The following IFT122 variants were observed in gnomAD, a reference collection of about 807,000 sequenced individuals.
IFT122 encodes the protein intraflagellar transport 122.
IFT122 carries 118 observed loss-of-function variants against 161.6 expected under a neutral mutation model. The ratio of observed to expected loss-of-function variants is 0.73; its 90% CI spans 0.63 to 0.85. The LOEUF is 0.85. Among genes scored for constraint, IFT122 ranks in the 40% least tolerant of loss-of-function variants. The pLI is 0.00. For synonymous variants in IFT122, 550 were observed against 602.4 expected (o/e 0.91, Z 1.27); for missense variants, 1,381 against 1,579.6 (o/e 0.87, Z 2.13).
chr3:129,519,265 C>A, intron 28 of IFT122, 79 bp downstream of exon 28: 1 of 1,305,348 alleles, frequency 7.7e-7, no homozygotes, highest in Non-Finnish European at 1.1e-6. Flanking sequence ...CCTCAGCTAG[C>A]GCAGTGGTGG....
At chr3:129,452,777 G>C (rs1476946448) in intron 3 of IFT122, among the ~76,000 whole-genome samples, 1 of 152,190 alleles carries the variant, frequency 6.6e-6, no homozygotes, top group Non-Finnish European at 1.5e-5. Context: ...CCCTCTAGTT[G>C]CTGAGTTGGA....
At chr3:129,497,174 G>A (rs2080959748) in intron 18 of IFT122, among the ~76,000 whole-genome samples, 1 of 152,152 alleles carries the variant, frequency 6.6e-6, no homozygotes, top group East Asian at 1.9e-4. Flanking sequence ...AGGCTAAGGT[G>A]GAAAGATTGC....
intron 18 of IFT122, among the ~76,000 whole-genome samples, chr3:129,499,486 A>G (rs2081277382): frequency 6.6e-6 from 1 of 152,256 alleles, no homozygotes; most frequent in Non-Finnish European, 1.5e-5. Context: ...ATTGTGCACC[A>G]GGTTGTCTCA....
At chr3:129,482,216 G>A (rs1050431445) in intron 14 of IFT122, among the ~76,000 whole-genome samples, 25 of 152,226 alleles carry the variant, frequency 1.6e-4, no homozygotes, top group African/African-American at 5.8e-4. Flanking sequence ...AGCAGAATGC[G>A]AAGTGCTTGG....
intron 20 of IFT122, among the ~76,000 whole-genome samples, chr3:129,503,461 G>A (rs2081844297): frequency 6.6e-6 from 1 of 152,130 alleles, no homozygotes; most frequent in South Asian, 2.1e-4. Flanking sequence ...AGAAGCAGCT[G>A]ATGCTGCCCC....
intron 1 of IFT122, among the ~76,000 whole-genome samples, chr3:129,447,345 C>G (rs2074136420): frequency 6.6e-6 from 1 of 152,014 alleles, no homozygotes; most frequent in Non-Finnish European, 1.5e-5. Flanking sequence ...GGCTTCCAGG[C>G]TATAGGTAAA....
At chr3:129,500,989 C>T (rs1385690400) in intron 19 of IFT122, among the ~76,000 whole-genome samples, 1 of 152,054 alleles carries the variant, frequency 6.6e-6, no homozygotes. Context: ...GTGGCCCATC[C>T]CAGGGTGTTG....
chr3:129,448,606 A>G (rs2074340011), intron 1 of IFT122, among the ~76,000 whole-genome samples: 1 of 152,144 alleles, frequency 6.6e-6, no homozygotes, highest in Non-Finnish European at 1.5e-5. Context: ...CATGTTGAAC[A>G]TACTTGGCCC....
chr3:129,453,441 C>T (rs574113189), intron 3 of IFT122, among the ~76,000 whole-genome samples: 1 of 152,142 alleles, frequency 6.6e-6, no homozygotes, highest in African/African-American at 2.4e-5. Flanking sequence ...GTGAGATCCC[C>T]GGTGACATGA....
intron 1 of IFT122, among the ~76,000 whole-genome samples, chr3:129,443,022 T>C (rs186466972): frequency 6.4e-4 from 98 of 152,358 alleles, no homozygotes; most frequent in Admixed American, 3.4e-3. Context: ...CCAATCAGGC[T>C]AGCATCTGCT....
In IFT122 at chr3:129,476,309, C is replaced by G; in HGVS notation, c.817-6C>G. The G allele has an allele frequency of 1.2e-6, 2 of 1,614,120 alleles. No homozygotes were observed. The highest frequency in any genetic ancestry group is 1.7e-6 in the Non-Finnish European group (2 of 1,180,018). ...TTTTCCCTTGCTGTGTGTTCTTTTT[C>G]CTCAGATTGGAAAGGATCGGGCACT... On this transcript the variant is annotated splice_region_variant and splice_polypyrimidine_tract_variant and intron_variant, in intron 9 of 29. Transcript: ENST00000348417.
chr3:129,514,814 C>T, intron 25 of IFT122: 1 of 579,022 alleles, frequency 1.7e-6, no homozygotes, highest in Non-Finnish European at 3.1e-6. Flanking sequence ...TGCTCCTTGC[C>T]CTCCCCTAGG....
chr3:129,499,897 C>T lies in IFT122; in HGVS notation c.2209-5C>T, dbSNP rs1196632584. The T allele has an allele frequency of 6.2e-7, 1 of 1,613,946 alleles. No individual in the cohort carries two copies. Among genetic ancestry groups the T allele is most frequent in the East Asian group, 2.2e-5 (1 of 44,888 alleles). ...AGAGTGTTTTTGTTTGTTGTGCTTC[C>T]TCAGGATTTCCTTGGATCTGGAGAC... On this transcript the variant is annotated splice_region_variant and splice_polypyrimidine_tract_variant and intron_variant, in intron 18 of 29. Coordinates refer to ENST00000348417, the MANE Select transcript of IFT122 (RefSeq NM_052989.3).
Position 129,514,849 on chromosome 3 carries a change from G to C in IFT122, c.3153+295G>C, listed in dbSNP as rs1191621447. On this transcript the variant is annotated intron_variant, in intron 25 of 29. Coordinates refer to ENST00000348417, the MANE Select transcript of IFT122 (RefSeq NM_052989.3). ...GCAAGCCCCACACCTCTGTGCCCAG[G>C]TGGCTCTGCCTTTACCCCAGGCCTG... 16 of 523,426 alleles carry C rather than the reference G, an allele frequency of 3.1e-5. No individual in the cohort carries two copies. In the East Asian group the frequency reaches 5.6e-4, roughly 18 times the overall value. The allele number at this position is 523,426 out of a possible 1,614,324, so 32.4% of individuals were successfully genotyped here. A position where few individuals can be genotyped will look rare whatever the true frequency, so the allele number is the denominator to read the frequency against.
chr3:129,469,392 C>T lies in IFT122; in HGVS notation c.791C>T (p.Ser264Phe), dbSNP rs749823738. Residue 264 changes from serine to phenylalanine, a missense_variant, in exon 9 of 30, where the codon TCC becomes TTC. By Grantham distance (155) the Ser-to-Phe change is radical (BLOSUM62 -2). Transcript: ENST00000348417. ...LAVADWGQKV[S>F]FYQLSGKQIG... is the part of the protein sequence containing the mutation. Reference sequence around the variant, plus strand: ...GTGGCTGACTGGGGACAGAAAGTTTCCTTCTACCAGCTGAGTGGAAAACAG... The same window carrying T: ...GTGGCTGACTGGGGACAGAAAGTTTTCTTCTACCAGCTGAGTGGAAAACAG... 1.9e-6 allele frequency: 3 copies of T among 1,614,014 alleles called. No homozygotes were observed. The highest frequency in any genetic ancestry group is 1.3e-5 in the African/African-American group (1 of 75,054).
At chr3:129,450,595 T>C (rs1258693689) in intron 2 of IFT122, among the ~76,000 whole-genome samples, 1 of 152,186 alleles carries the variant, frequency 6.6e-6, no homozygotes, top group African/African-American at 2.4e-5. Flanking sequence ...TTCTGCAGAC[T>C]TCTCTCCAGT....
At chr3:129,459,730 C>CCT (rs2076013530) in intron 4 of IFT122, among the ~76,000 whole-genome samples, 1 of 101,138 alleles carries the variant, frequency 9.9e-6, no homozygotes, top group African/African-American at 5.5e-5. Flanking sequence ...CCTTCCTTCC[C>CCT]TCCCTCCCTC....
chr3:129,441,424 C>G (rs1328875848), intron 1 of IFT122, among the ~76,000 whole-genome samples: 1 of 152,086 alleles, frequency 6.6e-6, no homozygotes, highest in African/African-American at 2.4e-5. Context: ...ACTTCATATC[C>G]TTTATCTCGT....
chr3:129,486,287 C>T (rs1319978156), intron 15 of IFT122, among the ~76,000 whole-genome samples: 2 of 152,180 alleles, frequency 1.3e-5, no homozygotes, highest in African/African-American at 2.4e-5. Context: ...AGCTTTCAGT[C>T]CTGACTCTGC....
Sources: gnomAD v4.1 joint callset for allele counts (sites outside exome capture counted in the v4.1 genomes callset) on GRCh38, gnomAD v4.1.1 for gene constraint, MANE v1.5 for transcripts, NCBI Gene and HGNC (gene_info 2026-07-23, HGNC 2026-07-21) for gene names.